Variants in OR3A2 observed in about 807,000 individuals in gnomAD.
The protein encoded by OR3A2 is olfactory receptor family 3 subfamily A member 2.
For missense variants in OR3A2, 318 were observed against 392.8 expected (o/e 0.81, Z 1.61); for synonymous variants, 126 against 159.3 (o/e 0.79, Z 1.57).
At chr17:3,308,362 C>T (rs776768552) in intron 3 of OR3A2, among the ~76,000 whole-genome samples, 5 of 152,120 alleles carry the variant, frequency 3.3e-5, no homozygotes, top group Admixed American at 6.5e-5. Flanking sequence ...GACTGTCCCT[C>T]CTCCTCTTTG....
chr17:3,356,837 A>C (rs182254495), intron 2 of OR3A2, among the ~76,000 whole-genome samples: 1 of 151,760 alleles, frequency 6.6e-6, no homozygotes, highest in African/African-American at 2.4e-5. Context: ...TCATCTTTCT[A>C]AACAATAAAA....
intron 3 of OR3A2, among the ~76,000 whole-genome samples, chr17:3,325,167 T>C (rs1490837344): frequency 6.6e-6 from 1 of 151,950 alleles, no homozygotes; most frequent in African/African-American, 2.4e-5. Flanking sequence ...TACAACTTTA[T>C]TTTAACTCTA....
chr17:3,383,108 T>A (rs1567574590), intron 2 of OR3A2, among the ~76,000 whole-genome samples: 2 of 151,620 alleles, frequency 1.3e-5, no homozygotes, highest in South Asian at 4.2e-4. Context: ...GTACTAGGGG[T>A]GTTTGGGTTG....
At chr17:3,289,046 G>T (rs905256982), upstream of OR3A2, among the ~76,000 whole-genome samples, 2 of 152,132 alleles carry the variant, frequency 1.3e-5, no homozygotes, top group African/African-American at 4.8e-5. Context: ...ATGCAATATA[G>T]ACAGAGAAAA....
chr17:3,379,667 C>T (rs1044989466), intron 2 of OR3A2, among the ~76,000 whole-genome samples: 2 of 152,126 alleles, frequency 1.3e-5, no homozygotes, highest in African/African-American at 4.8e-5. Context: ...AGCTCTTCCC[C>T]GAGCAGAGGA....
intron 2 of OR3A2, among the ~76,000 whole-genome samples, chr17:3,362,927 T>C (rs971731006): frequency 1.7e-4 from 26 of 151,914 alleles, no homozygotes; most frequent in African/African-American, 6.1e-4. Flanking sequence ...GCCTGAGCTG[T>C]ACCTTGGCCC....
At chr17:3,358,767 CAG>C (rs1465407507) in intron 2 of OR3A2, among the ~76,000 whole-genome samples, 1 of 151,544 alleles carries the variant, frequency 6.6e-6, no homozygotes, top group Non-Finnish European at 1.5e-5. Context: ...TTTTGGGGTG[CAG>C]AGTTTTGTAT....
At chr17:3,278,880 G>A (rs199940571) in exon 2 of OR3A2, 2 of 1,517,362 alleles carry the variant, frequency 1.3e-6, no homozygotes, top group African/African-American at 1.4e-5. Flanking sequence ...AATGAACTCA[G>A]CAACAGCGGT....
Position 3,365,228 on chromosome 17 carries a change from C to A in OR3A2, c.-179+18576G>T, listed in dbSNP as rs1422553230. ...TGTATCTTAGGTATGTGGGGGTATA[C>A]CAGAAAATAAGATTGATGGGATCTT... is the stretch of plus-strand genomic sequence containing the variant. On this transcript the variant is annotated intron_variant, in intron 2 of 4. Coordinates refer to the OR3A2 transcript ENST00000573491. 3.3e-5 allele frequency among the ~76,000 whole-genome samples: 5 copies of A among 152,170 alleles called. No homozygotes were observed. In the East Asian group the frequency reaches 5.8e-4, roughly 18 times the overall value.
intron 3 of OR3A2, among the ~76,000 whole-genome samples, chr17:3,302,648 G>A (rs983832544): frequency 7.2e-5 from 11 of 152,256 alleles, no homozygotes; most frequent in South Asian, 2.1e-4. Flanking sequence ...CACTAATTCC[G>A]TTCCTAATTA....
intron 2 of OR3A2, among the ~76,000 whole-genome samples, chr17:3,350,586 C>A (rs904725585): frequency 1.3e-5 from 2 of 150,338 alleles, no homozygotes; most frequent in African/African-American, 2.4e-5. Flanking sequence ...GGATTCACAG[C>A]CGAATTCTAC....
chr17:3,309,758 C>T (rs1205031179), intron 3 of OR3A2, among the ~76,000 whole-genome samples: 3 of 152,190 alleles, frequency 2.0e-5, no homozygotes, highest in South Asian at 2.1e-4. Flanking sequence ...CTGAAATGTC[C>T]GGACCAAATC....
At chr17:3,323,303 C>T (rs1428580859) in intron 3 of OR3A2, among the ~76,000 whole-genome samples, 1 of 152,104 alleles carries the variant, frequency 6.6e-6, no homozygotes, top group Non-Finnish European at 1.5e-5. Context: ...GGTCTTGACT[C>T]TTTATCCAAT....
intron 3 of OR3A2, among the ~76,000 whole-genome samples, chr17:3,295,184 A>G (rs16952831): frequency 6.6e-6 from 1 of 152,126 alleles, no homozygotes; most frequent in Non-Finnish European, 1.5e-5. Flanking sequence ...AGGAGGACGT[A>G]TGTGTTGATT....
At chr17:3,360,084 T>A (rs1330265718) in intron 2 of OR3A2, among the ~76,000 whole-genome samples, 1 of 151,784 alleles carries the variant, frequency 6.6e-6, no homozygotes, top group African/African-American at 2.4e-5. Flanking sequence ...CAGCACCTGT[T>A]GTTTCCTGAC....
chr17:3,326,639 G>C (rs1490895316), intron 3 of OR3A2, among the ~76,000 whole-genome samples: 1 of 148,936 alleles, frequency 6.7e-6, no homozygotes, highest in African/African-American at 2.5e-5. Flanking sequence ...TGCCATGCTG[G>C]TGTGCTGCAC....
chr17:3,364,484 C>A (rs904425045), intron 2 of OR3A2, among the ~76,000 whole-genome samples: 2 of 152,170 alleles, frequency 1.3e-5, no homozygotes, highest in Admixed American at 6.6e-5. Context: ...ACCAATGCCC[C>A]CCATCCCTGT....
chr17:3,334,275 C>T lies in OR3A2; in HGVS notation c.-85+1758G>A, dbSNP rs150518408. Among the ~76,000 whole-genome samples, 369 of 152,204 alleles carry T rather than the reference C, an allele frequency of 2.4e-3. 1 individual carries two copies. Among genetic ancestry groups the T allele is most frequent in the Middle Eastern group, 0.017 (5 of 294 alleles). On this transcript the variant is annotated intron_variant, in intron 3 of 4. Coordinates refer to the OR3A2 transcript ENST00000573491. Reference sequence around the variant, plus strand: ...ACAATTCAGTGGTAACATTTATATTCTTTTGTTTTCTCTTCATCCCCTGCC... The same window carrying T: ...ACAATTCAGTGGTAACATTTATATTTTTTTGTTTTCTCTTCATCCCCTGCC...
At chr17:3,380,358 G>A (rs1305423840) in intron 2 of OR3A2, among the ~76,000 whole-genome samples, 1 of 152,182 alleles carries the variant, frequency 6.6e-6, no homozygotes, top group African/African-American at 2.4e-5. Flanking sequence ...CCAGGATCTG[G>A]ACTCTGACTG....
Sources: allele counts gnomAD v4.1 joint callset (sites outside exome capture counted in the v4.1 genomes callset), GRCh38; gene constraint gnomAD v4.1.1; transcripts MANE v1.5; gene names NCBI Gene and HGNC (gene_info 2026-07-23, HGNC 2026-07-21).